Variants in TRA2B observed in about 807,000 individuals in gnomAD.
The protein encoded by TRA2B is transformer 2 beta homolog.
A neutral mutation model predicts 41.7 loss-of-function variants in TRA2B; 14 were observed. The ratio of observed to expected loss-of-function variants is 0.34; its 90% CI spans 0.22 to 0.53. TRA2B has a LOEUF of 0.53. Among genes scored for constraint, TRA2B ranks in the 20% least tolerant of loss-of-function variants. The probability of loss-of-function intolerance (pLI) is 0.95; values close to 1 mark genes in which losing one functional copy is unlikely to be tolerated. For synonymous variants in TRA2B, 130 were observed against 128.8 expected (o/e 1.01, Z -0.06); for missense variants, 167 against 396.8 (o/e 0.42, Z 4.92).
At chr3:185,937,107 A>C in intron 1 of TRA2B, 2 of 985,446 alleles carry the variant, frequency 2.0e-6, no homozygotes, top group South Asian at 9.4e-5. Context: ...TAGAATACTG[A>C]TACAGATTTT....
chr3:185,928,688 G>A (rs2150116664), intron 1 of TRA2B: 1 of 152,318 alleles, frequency 6.6e-6, no homozygotes, highest in East Asian at 1.9e-4. Context: ...ACACTAGAAA[G>A]ATTACCTCTA....
intron 8 of TRA2B, among the ~76,000 whole-genome samples, chr3:185,918,092 G>A (rs1324908099): frequency 6.6e-6 from 1 of 151,998 alleles, no homozygotes; most frequent in Non-Finnish European, 1.5e-5. Context: ...GTAAATGGTG[G>A]AAATACATTA....
chr3:185,916,878 C>G lies in TRA2B; in HGVS notation c.*837G>C, dbSNP rs1743519640. 6.6e-6 allele frequency: 1 copy of G among 152,536 alleles called. No individual in the cohort carries two copies. The highest frequency in any genetic ancestry group is 2.4e-5 in the African/African-American group (1 of 41,412). 9.4% of individuals were successfully genotyped at this position (152,536 alleles called of 1,614,324 possible). On this transcript the variant is annotated 3_prime_UTR_variant, in exon 9 of 9. Coordinates refer to ENST00000453386, the MANE Select transcript of TRA2B (RefSeq NM_004593.3). ...GGCAAAGTCTTCAGTTCATCCATGACAGGTATAGTGTTCCCTTATCATGTA... is the reference window on the plus strand; with the variant it reads ...GGCAAAGTCTTCAGTTCATCCATGAGAGGTATAGTGTTCCCTTATCATGTA...
intron 6 of TRA2B, among the ~76,000 whole-genome samples, chr3:185,920,040 T>G (rs954277013): frequency 6.6e-6 from 1 of 152,168 alleles, no homozygotes; most frequent in Non-Finnish European, 1.5e-5. Flanking sequence ...TTTTACTTCA[T>G]TTTTATCTTT....
At chr3:185,933,963 A>G (rs989871506) in intron 1 of TRA2B, among the ~76,000 whole-genome samples, 2 of 152,206 alleles carry the variant, frequency 1.3e-5, no homozygotes, top group African/African-American at 2.4e-5. Flanking sequence ...ATCTATGTTG[A>G]TAACATCAAT....
At chr3:185,935,683 C>A in intron 1 of TRA2B, 15 of 985,382 alleles carry the variant, frequency 1.5e-5, no homozygotes, top group Non-Finnish European at 1.8e-5. Flanking sequence ...TCATTTACAC[C>A]ACAGGCATGT....
At chr3:185,919,885 C>T (rs1447772826) in intron 6 of TRA2B, among the ~76,000 whole-genome samples, 1 of 152,096 alleles carries the variant, frequency 6.6e-6, no homozygotes, top group South Asian at 2.1e-4. Context: ...CTGTTAACTT[C>T]TTAAACATTG....
chr3:185,918,388 G>C lies in TRA2B; in HGVS notation c.833C>G (p.Ser278Cys), dbSNP rs768440776. Residue 278 changes from serine to cysteine, a missense_variant, in exon 8 of 9, where the codon TCC (serine) becomes TGC (cysteine). Physicochemically the swap from Ser to Cys is moderately radical, Grantham distance 112 (BLOSUM62 -1). Around this residue, in one of 5 missense-constraint regions of TRA2B, gnomAD observed 30 missense variants for 46.7 expected, o/e 0.64. Coordinates refer to ENST00000453386, the MANE Select transcript of TRA2B (RefSeq NM_004593.3). Reference protein sequence around the residue: ...YYSRGGYRSRSRSRSYSPRRY With the variant: ...YYSRGGYRSRCRSRSYSPRRY Reference sequence around the variant, plus strand: ...ACGAGGTGAGTATGATCGAGATCTGGAACGTGATCTGTATCCTCCACGACT... The same window carrying C: ...ACGAGGTGAGTATGATCGAGATCTGCAACGTGATCTGTATCCTCCACGACT... 6.2e-7 allele frequency: 1 copy of C among 1,613,708 alleles called. No individual in the cohort carries two copies. Among genetic ancestry groups the C allele is most frequent in the Non-Finnish European group, 8.5e-7 (1 of 1,179,756 alleles).
At chr3:185,936,845 A>G in intron 1 of TRA2B, 7 of 985,406 alleles carry the variant, frequency 7.1e-6, no homozygotes, top group Non-Finnish European at 8.4e-6. Flanking sequence ...CAGACCAGCT[A>G]CGTATGCTGT....
chr3:185,937,156 C>CATA, intron 1 of TRA2B: 1 of 985,556 alleles, frequency 1.0e-6, no homozygotes, highest in Non-Finnish European at 1.2e-6. Context: ...AAAAGCGCTT[C>CATA]ATTTAGGCCA....
Position 185,916,876 on chromosome 3 carries a change from G to GAC in TRA2B, c.*837_*838dup, listed in dbSNP as rs71694444. 20,694 of 152,576 alleles carry GAC rather than the reference G, an allele frequency of 0.14. 1,694 individuals carry two copies. The highest frequency in any genetic ancestry group is 0.32 in the South Asian group (1,553 of 4,816). The allele number at this position is 152,576 out of a possible 1,614,324, so 9.5% of individuals were successfully genotyped here. On this transcript the variant is annotated 3_prime_UTR_variant, in exon 9 of 9. Transcript: ENST00000453386. Reference sequence around the variant, plus strand: ...CAGGCAAAGTCTTCAGTTCATCCATGACAGGTATAGTGTTCCCTTATCATG... The same window carrying GAC: ...CAGGCAAAGTCTTCAGTTCATCCATGACACAGGTATAGTGTTCCCTTATCATG...
chr3:185,926,215 A>G (rs941647986), intron 2 of TRA2B, among the ~76,000 whole-genome samples: 1 of 151,658 alleles, frequency 6.6e-6, no homozygotes, highest in African/African-American at 2.4e-5. Context: ...AGCGCACCAT[A>G]TATATACTTA....
At chr3:185,917,858 A>G in intron 8 of TRA2B, 133 bp from the exon 9 acceptor site, 1 of 795,186 alleles carries the variant, frequency 1.3e-6, no homozygotes, top group Non-Finnish European at 2.1e-6. Context: ...CCCCAAATAG[A>G]GAAAGACTTC....
Position 185,925,606 on chromosome 3 carries a change from G to C in TRA2B, c.191C>G (p.Ser64Cys). 6.2e-7 allele frequency: 1 copy of C among 1,613,786 alleles called. No individual in the cohort carries two copies. The highest frequency in any genetic ancestry group is 8.5e-7 in the Non-Finnish European group (1 of 1,179,904). The change falls in exon 3 of 9, where the codon TCC (serine) becomes TGC (cysteine). Residue 64 changes from serine (S) to cysteine (C), a missense_variant. By Grantham distance (112) the Ser-to-Cys change is moderately radical (BLOSUM62 -1). This residue lies in a region of TRA2B where 94 missense variants were observed against 133.4 expected (regional missense o/e 0.70). Transcript: ENST00000453386. ...SESRSRSRRS[S>C]RRHYTRSRSR... is the part of the protein sequence containing the mutation. ...CCGTGACCGGGTATAATGCCTTCGG[G>C]AGCTTCTTCTGGATCTAGACCTGCA...
intron 1 of TRA2B, chr3:185,936,447 G>A: frequency 1.0e-6 from 1 of 985,412 alleles, no homozygotes; most frequent in Middle Eastern, 5.2e-4. Flanking sequence ...ATCCGAGTAT[G>A]TAAACGCAAG....
Position 185,926,733 on chromosome 3 carries a change from T to A in TRA2B, c.38A>T (p.Glu13Val), listed in dbSNP as rs1265200369. 1 of 1,613,858 alleles carries A rather than the reference T, an allele frequency of 6.2e-7. No individual in the cohort carries two copies. The highest frequency in any genetic ancestry group is 2.2e-5 in the East Asian group (1 of 44,902). ...DSGEQNYGER[E>V]SRSASRSGSA... is the part of the protein sequence containing the mutation. ...TCCACTTCTGGAAGCAGAACGGGATTCCTACACGTAGATGTTAAAAGTTTA... is the reference window on the plus strand; with the variant it reads ...TCCACTTCTGGAAGCAGAACGGGATACCTACACGTAGATGTTAAAAGTTTA... The change falls in exon 2 of 9, where the codon GAA becomes GTA. Residue 13 changes from glutamate (E) to valine (V), a missense_variant and splice_region_variant. Glu to Val is a moderately radical substitution (Grantham distance 121). Coordinates refer to ENST00000453386, the MANE Select transcript of TRA2B (RefSeq NM_004593.3).
In TRA2B at chr3:185,937,910, C is replaced by A; in HGVS notation, c.-50G>T. The A allele has an allele frequency of 6.2e-7, 1 of 1,610,538 alleles. No individual in the cohort carries two copies. Among genetic ancestry groups the A allele is most frequent in the Non-Finnish European group, 8.5e-7 (1 of 1,178,382 alleles). On this transcript the variant is annotated 5_prime_UTR_variant, in exon 1 of 9. Coordinates refer to ENST00000453386, the MANE Select transcript of TRA2B (RefSeq NM_004593.3). ...GATGTGCTTCAATCGAAGCTGCCAACCTCTTGCACCTTCCTTAAGGAGGCT... is the reference window on the plus strand; with the variant it reads ...GATGTGCTTCAATCGAAGCTGCCAAACTCTTGCACCTTCCTTAAGGAGGCT...
At chr3:185,925,880 C>T (rs1013324938) in intron 2 of TRA2B, among the ~76,000 whole-genome samples, 3 of 152,218 alleles carry the variant, frequency 2.0e-5, no homozygotes, top group African/African-American at 7.2e-5. Context: ...TTTTACAAAT[C>T]AAGGCACGCA....
intron 1 of TRA2B, among the ~76,000 whole-genome samples, chr3:185,929,375 A>G (rs1744066917): frequency 6.6e-6 from 1 of 152,192 alleles, no homozygotes; most frequent in South Asian, 2.1e-4. Context: ...AAGTCCCTAA[A>G]TCTAAGCATA....
Sources: gnomAD v4.1 joint callset for allele counts (sites outside exome capture counted in the v4.1 genomes callset) on GRCh38, gnomAD v4.1.1 for gene constraint, gnomAD v4.1.1 regional missense constraint, MANE v1.5 for transcripts, NCBI Gene and HGNC (gene_info 2026-07-23, HGNC 2026-07-21) for gene names.